Variants in COL19A1 observed in about 807,000 individuals in gnomAD.
COL19A1 encodes the protein collagen alpha-1(XIX) chain.
COL19A1 carries 159 observed loss-of-function variants against 190.2 expected under a neutral mutation model. The ratio of observed to expected loss-of-function variants is 0.84; its 90% confidence interval spans 0.73 to 0.95. The LOEUF is 0.95. COL19A1 is among the 40% of genes least tolerant of loss of function. The pLI, the probability that COL19A1 is intolerant of heterozygous loss-of-function variation, is 0.00. For missense variants in COL19A1, 1,418 were observed against 1,431.9 expected, an observed-to-expected ratio of 0.99 and a Z score of 0.16; for synonymous variants, 509 against 458.9, an observed-to-expected ratio of 1.11 and a Z score of -1.39.
intron 11 of COL19A1, among the ~76,000 whole-genome samples, chr6:69,985,426 G>T (rs1049296528): frequency 2.0e-5 from 3 of 152,076 alleles, no homozygotes; most frequent in Admixed American, 1.3e-4. Flanking sequence ...ATTAGCAAAG[G>T]GGGTGAAGGA....
chr6:70,081,624 G>T (rs1413855612), intron 15 of COL19A1, among the ~76,000 whole-genome samples: 3 of 152,102 alleles, frequency 2.0e-5, no homozygotes. Context: ...TAGGCTTAAT[G>T]ACATGGCAAA....
intron 10 of COL19A1, among the ~76,000 whole-genome samples, chr6:69,962,299 T>C (rs1475242153): frequency 2.6e-5 from 4 of 152,148 alleles, no homozygotes; most frequent in Non-Finnish European, 5.9e-5. Context: ...TGAGCCAGCA[T>C]AGTGGACAAG....
intron 11 of COL19A1, among the ~76,000 whole-genome samples, chr6:70,000,643 T>C (rs537387382): frequency 1.3e-5 from 2 of 152,360 alleles, no homozygotes; most frequent in Admixed American, 1.3e-4. Context: ...TTTTCGTATG[T>C]TTGTTGCCCA....
chr6:70,005,084 G>A lies in COL19A1; in HGVS notation c.1027-18543G>A, dbSNP rs192509803. Among the ~76,000 whole-genome samples the A allele has an allele frequency of 2.8e-4, 42 of 152,058 alleles. No homozygotes were observed. In the East Asian group the frequency reaches 7.0e-3, roughly 25 times the overall value. On this transcript the variant is annotated intron_variant, in intron 11 of 50. Transcript: ENST00000620364. ...CCTAACTTCATGATGTGCCCGCCTT[G>A]GCCTCCCTAAGTGCTGGGATTACAG...
intron 11 of COL19A1, among the ~76,000 whole-genome samples, chr6:69,995,950 G>A (rs567176941): frequency 6.6e-6 from 1 of 152,164 alleles, no homozygotes; most frequent in East Asian, 1.9e-4. Context: ...AAAGAATTAC[G>A]AACAATTTGT....
intron 2 of COL19A1, among the ~76,000 whole-genome samples, chr6:69,883,418 G>A (rs191010358): frequency 6.6e-6 from 1 of 152,304 alleles, no homozygotes; most frequent in East Asian, 1.9e-4. Flanking sequence ...GGACAGGCAG[G>A]CTTCTGAATG....
intron 15 of COL19A1, among the ~76,000 whole-genome samples, chr6:70,073,549 A>G (rs1038381945): frequency 6.6e-6 from 1 of 152,214 alleles, no homozygotes; most frequent in Admixed American, 6.5e-5. Context: ...ATCAAGAAAA[A>G]ATATTTAAGA....
intron 12 of COL19A1, among the ~76,000 whole-genome samples, chr6:70,033,965 A>G (rs1446574575): frequency 6.6e-6 from 1 of 152,142 alleles, no homozygotes; most frequent in Non-Finnish European, 1.5e-5. Flanking sequence ...TATAGATCTA[A>G]ATGATATTCT....
At chr6:70,052,727 C>T (rs1016861358) in intron 14 of COL19A1, among the ~76,000 whole-genome samples, 1 of 152,014 alleles carries the variant, frequency 6.6e-6, no homozygotes, top group Admixed American at 6.6e-5. Context: ...GACCTGAATC[C>T]CCAGTAATGG....
intron 1 of COL19A1, among the ~76,000 whole-genome samples, chr6:69,871,979 G>T (rs1024373706): frequency 1.3e-5 from 2 of 151,972 alleles, no homozygotes; most frequent in Non-Finnish European, 2.9e-5. Context: ...ACCACACCTG[G>T]CTAATTTTTG....
intron 19 of COL19A1, 59 bp from the exon 20 acceptor site, chr6:70,140,895 C>T (rs1420847035): frequency 5.8e-6 from 9 of 1,548,528 alleles, no homozygotes; most frequent in Admixed American, 3.4e-5. Context: ...ATCCACACCC[C>T]GGTTTGGAGA....
In COL19A1 at chr6:70,180,460, G is replaced by A; in HGVS notation, c.2713-1G>A. The A allele has an allele frequency of 6.2e-7, 1 of 1,614,084 alleles. No individual in the cohort carries two copies. Among genetic ancestry groups the A allele is most frequent in the Non-Finnish European group, 8.5e-7 (1 of 1,179,992 alleles). On this transcript the variant is annotated splice_acceptor_variant, in intron 43 of 50. Transcript: ENST00000620364. LOFTEE classifies it high-confidence loss of function. ...ATTTGTGTCTGTGGATGTGTTTATA[G>A]GGTGAGAGAGGACCTGTTGGAGATA...
chr6:69,933,190 A>G (rs1772891576), intron 7 of COL19A1, among the ~76,000 whole-genome samples: 2 of 151,956 alleles, frequency 1.3e-5, no homozygotes, highest in African/African-American at 4.8e-5. Context: ...ATCATACTTT[A>G]TTCTCACTCA....
At chr6:70,142,433 A>G (rs772298494) in intron 22 of COL19A1, among the ~76,000 whole-genome samples, 7 of 152,190 alleles carry the variant, frequency 4.6e-5, no homozygotes, top group Non-Finnish European at 1.0e-4. Context: ...GAGTTGCTTG[A>G]GTTTCCCAAG....
At chr6:69,886,285 C>T (rs1215448295) in intron 2 of COL19A1, among the ~76,000 whole-genome samples, 1 of 152,100 alleles carries the variant, frequency 6.6e-6, no homozygotes, top group African/African-American at 2.4e-5. Context: ...TGAGACATTA[C>T]CTTGTACCTA....
intron 11 of COL19A1, among the ~76,000 whole-genome samples, chr6:69,982,387 C>G (rs1469224304): frequency 6.6e-6 from 1 of 151,736 alleles, no homozygotes; most frequent in African/African-American, 2.4e-5. Context: ...ATTACAGGCA[C>G]CTGCCGCCAC....
rs146723520 is a variant in COL19A1 at position 69,904,817 on chromosome 6, G to A, written c.266+4479G>A. On this transcript the variant is annotated intron_variant, in intron 4 of 50. Transcript: ENST00000620364. Reference sequence around the variant, plus strand: ...TTGCACCTGAAGGTCCCTCACCCCCGGTTCTGCTACAAGCTGTGCACTTGG... The same window carrying A: ...TTGCACCTGAAGGTCCCTCACCCCCAGTTCTGCTACAAGCTGTGCACTTGG... Among the ~76,000 whole-genome samples, 483 of 152,280 alleles carry A rather than the reference G, an allele frequency of 3.2e-3. 10 individuals are homozygous for A. Among genetic ancestry groups the A allele is most frequent in the Admixed American group, 0.027 (417 of 15,300 alleles).
intron 31 of COL19A1, among the ~76,000 whole-genome samples, chr6:70,155,189 G>T (rs1044882748): frequency 2.6e-5 from 4 of 152,004 alleles, no homozygotes; most frequent in African/African-American, 9.7e-5. Context: ...GAATAGCCAT[G>T]GGCTTTCTTG....
intron 18 of COL19A1, among the ~76,000 whole-genome samples, chr6:70,132,608 C>T (rs530881732): frequency 6.6e-6 from 1 of 152,284 alleles, no homozygotes; most frequent in East Asian, 1.9e-4. Context: ...CTGTGGCGAA[C>T]CCCAGTGCTT....
Sources: allele counts gnomAD v4.1 joint callset (sites outside exome capture counted in the v4.1 genomes callset), GRCh38; gene constraint gnomAD v4.1.1; transcripts MANE v1.5; gene names NCBI Gene and HGNC (gene_info 2026-07-23, HGNC 2026-07-21).